Variants in KALRN observed in about 807,000 individuals in gnomAD.
KALRN encodes kalirin.
In KALRN, 70 loss-of-function variants were observed where a neutral mutation model predicts 353.7. The observed-to-expected ratio is 0.20, with a 90% CI of 0.16 to 0.24. KALRN has a LOEUF of 0.24. Ranked by LOEUF, KALRN falls within the 10% of genes least tolerant of loss-of-function variation. The probability of loss-of-function intolerance (pLI) is 1.00; values close to 1 mark genes in which losing one functional copy is unlikely to be tolerated. For missense variants in KALRN, 2,791 were observed against 3,756.7 expected (o/e 0.74, Z 6.72); for synonymous variants, 1,391 against 1,434.8 (o/e 0.97, Z 0.69).
chr3:124,696,685 T>C (rs2062069025), intron 54 of KALRN, among the ~76,000 whole-genome samples: 1 of 152,140 alleles, frequency 6.6e-6, no homozygotes, highest in African/African-American at 2.4e-5. Flanking sequence ...CCATCCCATC[T>C]GAACCATCTT....
intron 1 of KALRN, among the ~76,000 whole-genome samples, chr3:124,057,380 G>T (rs993512764): frequency 6.6e-6 from 1 of 152,150 alleles, no homozygotes; most frequent in Non-Finnish European, 1.5e-5. Context: ...CAGAACCAGA[G>T]GGGGAAGCCT....
In KALRN at chr3:124,223,051, C is replaced by CT. The variant is rs527853238; in HGVS notation, c.74-4925dup. On this transcript the variant is annotated intron_variant, in intron 1 of 59. Transcript: ENST00000682506. ...CTTTAGGACTCATCTTTAAGAAGCT[C>CT]TTTTTTTTTTTTTTAGTCTCCTTGC... 7.8e-3 allele frequency among the ~76,000 whole-genome samples: 1,091 copies of CT among 139,994 alleles called. 15 individuals carry two copies. The highest frequency in any genetic ancestry group is 0.019 in the East Asian group (93 of 4,806). The allele number at this position is 139,994 out of a possible 152,430, so 91.8% of individuals were successfully genotyped here.
At chr3:124,692,038 T>C (rs1430989075) in intron 51 of KALRN, among the ~76,000 whole-genome samples, 1 of 152,226 alleles carries the variant, frequency 6.6e-6, no homozygotes, top group Non-Finnish European at 1.5e-5. Context: ...AGGGGGACTT[T>C]CATCAGGTTC....
chr3:124,667,234 C>G, intron 47 of KALRN, 51 bp downstream of exon 47: 1 of 1,521,852 alleles, frequency 6.6e-7, no homozygotes, highest in Middle Eastern at 1.9e-4. Flanking sequence ...GACTCCACGA[C>G]CTCTGAGCTT....
At chr3:124,497,421 G>T (rs1025519500) in intron 33 of KALRN, among the ~76,000 whole-genome samples, 4 of 152,092 alleles carry the variant, frequency 2.6e-5, no homozygotes, top group African/African-American at 9.7e-5. Flanking sequence ...AAGATGATCT[G>T]CATTCATTAG....
At chr3:124,317,218 G>T (rs546333442) in intron 6 of KALRN, among the ~76,000 whole-genome samples, 1 of 152,138 alleles carries the variant, frequency 6.6e-6, no homozygotes, top group East Asian at 1.9e-4. Context: ...ATTTCTCATC[G>T]TCTTCCCTCA....
chr3:124,478,847 G>A (rs2061677391), intron 27 of KALRN, among the ~76,000 whole-genome samples: 1 of 152,152 alleles, frequency 6.6e-6, no homozygotes, highest in Non-Finnish European at 1.5e-5. Context: ...TCTGCTTCCT[G>A]TCTTTGCTCA....
intron 34 of KALRN, among the ~76,000 whole-genome samples, chr3:124,581,277 C>T (rs1455345260): frequency 6.6e-6 from 1 of 151,908 alleles, no homozygotes; most frequent in African/African-American, 2.4e-5. Flanking sequence ...TCTGTATTCC[C>T]AGCTACTCCA....
chr3:124,410,552 C>A (rs1293764173), intron 13 of KALRN, among the ~76,000 whole-genome samples: 3 of 152,170 alleles, frequency 2.0e-5, no homozygotes, highest in African/African-American at 7.2e-5. Flanking sequence ...AGACATCTTA[C>A]AAAAGTAGAT....
chr3:124,337,160 G>T (rs546035045), intron 9 of KALRN, among the ~76,000 whole-genome samples: 1 of 152,164 alleles, frequency 6.6e-6, no homozygotes, highest in Non-Finnish European at 1.5e-5. Flanking sequence ...TCTTTCTCTT[G>T]CCTGATTGCC....
At chr3:124,176,874 G>A (rs984298669) in intron 1 of KALRN, among the ~76,000 whole-genome samples, 1 of 152,194 alleles carries the variant, frequency 6.6e-6, no homozygotes, top group Non-Finnish European at 1.5e-5. Context: ...GACTGTTGGT[G>A]TTGGGAGGGA....
intron 4 of KALRN, among the ~76,000 whole-genome samples, chr3:124,267,834 C>T (rs2073742853): frequency 6.6e-6 from 1 of 152,156 alleles, no homozygotes; most frequent in Non-Finnish European, 1.5e-5. Flanking sequence ...ATGCTATGCA[C>T]CCTATGTGCT....
intron 33 of KALRN, among the ~76,000 whole-genome samples, chr3:124,544,485 C>T (rs1216038665): frequency 3.9e-5 from 6 of 152,124 alleles, no homozygotes; most frequent in South Asian, 2.1e-4. Context: ...CACTTGTACC[C>T]GGGAGGCGGA....
At chr3:124,504,088 G>A (rs9859074) in intron 33 of KALRN, among the ~76,000 whole-genome samples, 38,968 of 151,966 alleles carry the variant, frequency 0.26, 5,175 homozygotes, top group South Asian at 0.38. Context: ...ACTTGGACCC[G>A]CATAAAAATT....
chr3:124,132,767 C>A (rs558244204), intron 1 of KALRN, among the ~76,000 whole-genome samples: 1 of 152,290 alleles, frequency 6.6e-6, no homozygotes, highest in East Asian at 1.9e-4. Flanking sequence ...GTCTCACATT[C>A]CAAGTTCTTT....
At chr3:124,156,651 C>G (rs999866773) in intron 1 of KALRN, among the ~76,000 whole-genome samples, 3 of 152,132 alleles carry the variant, frequency 2.0e-5, no homozygotes, top group Non-Finnish European at 4.4e-5. Context: ...TCGCTGCTGC[C>G]CCAGGATCTG....
rs1479690952 is a variant in KALRN at position 124,456,492 on chromosome 3, CAT to C, written c.3736-117_3736-116del. 7.9e-6 allele frequency: 5 copies of C among 629,732 alleles called. No homozygotes were observed. In the East Asian group the frequency reaches 1.4e-4, roughly 18 times the overall value. The allele number at this position is 629,732 out of a possible 1,614,324, so 39.0% of individuals were successfully genotyped here. ...ATGGGTATGAGTCTGTAAGATCCCT[CAT>C]GTTTTTATCCTTCTCCATTATATCT... On this transcript the variant is annotated intron_variant, in intron 22 of 59. Transcript: ENST00000682506.
intron 2 of KALRN, among the ~76,000 whole-genome samples, chr3:124,231,013 T>C (rs182591922): frequency 3.9e-5 from 6 of 152,358 alleles, no homozygotes; most frequent in Middle Eastern, 3.4e-3. Context: ...AAGAAAGCGC[T>C]GCAAGGAAGG....
chr3:124,155,172 C>G (rs1279365899), intron 1 of KALRN, among the ~76,000 whole-genome samples: 2 of 152,116 alleles, frequency 1.3e-5, no homozygotes, highest in African/African-American at 2.4e-5. Flanking sequence ...GAAAACCTGG[C>G]CATTACCATT....
Sources: gnomAD v4.1 joint callset for allele counts (sites outside exome capture counted in the v4.1 genomes callset) on GRCh38, gnomAD v4.1.1 for gene constraint, MANE v1.5 for transcripts, NCBI Gene and HGNC (gene_info 2026-07-23, HGNC 2026-07-21) for gene names.